Variants in ASB14 observed in about 807,000 individuals in gnomAD.
The protein encoded by ASB14 is ankyrin repeat and SOCS box containing 14, also known as ankyrin repeat and SOCS box protein 14.
A neutral mutation model predicts 55.6 loss-of-function variants in ASB14; 63 were observed. The observed-to-expected ratio is 1.13, with a 90% CI of 0.92 to 1.40. The LOEUF is 1.40. Among genes scored for constraint, ASB14 ranks in the 40% most tolerant of loss-of-function variants. The probability of loss-of-function intolerance (pLI) is 0.00; values close to 1 mark genes in which losing one functional copy is unlikely to be tolerated. For synonymous variants in ASB14, 256 were observed against 259.9 expected, an observed-to-expected ratio of 0.98 and a Z score of 0.15; for missense variants, 724 against 710.4, an observed-to-expected ratio of 1.02 and a Z score of -0.22.
chr3:57,289,957 C>T (rs1458000361), intron 2 of ASB14, among the ~76,000 whole-genome samples: 1 of 152,122 alleles, frequency 6.6e-6, no homozygotes. Context: ...ACCTTCCACT[C>T]TAATTATTTA....
chr3:57,278,151 C>T (rs969121444), intron 8 of ASB14, among the ~76,000 whole-genome samples: 1 of 152,156 alleles, frequency 6.6e-6, no homozygotes, highest in African/African-American at 2.4e-5. Context: ...AACTTCCTCA[C>T]ACTGCTAGGC....
intron 10 of ASB14, chr3:57,271,907 A>G (rs1350549454): frequency 6.6e-6 from 1 of 152,236 alleles, no homozygotes; most frequent in South Asian, 2.1e-4. Flanking sequence ...CTGTTGAACT[A>G]TATGAACTAT....
Position 57,269,405 on chromosome 3 carries a change from CTTTTT to C in ASB14, c.*231_*235del. On this transcript the variant is annotated 3_prime_UTR_variant, in exon 11 of 11. Transcript: ENST00000487349. Reference sequence around the variant, plus strand: ...GTTGTATTGTTTGGGTGTAGCTTTTCTTTTTATCAAGTTGTCAGAAGTATGCATAC... The same window carrying C: ...GTTGTATTGTTTGGGTGTAGCTTTTCATCAAGTTGTCAGAAGTATGCATAC... 1.2e-6 allele frequency: 1 copy of C among 818,582 alleles called. No homozygotes were observed. The allele number at this position is 818,582 out of a possible 1,614,324, so 50.7% of individuals were successfully genotyped here. A position where few individuals can be genotyped will look rare whatever the true frequency, so the allele number is the denominator to read the frequency against.
At chr3:57,282,922 G>C (rs1315342118) in intron 6 of ASB14, among the ~76,000 whole-genome samples, 2 of 152,108 alleles carry the variant, frequency 1.3e-5, no homozygotes, top group Admixed American at 1.3e-4. Context: ...CCACAAAAAG[G>C]TTAAAAAACC....
intron 7 of ASB14, among the ~76,000 whole-genome samples, chr3:57,279,337 C>A (rs1295859132): frequency 7.8e-6 from 1 of 128,820 alleles, no homozygotes; most frequent in Non-Finnish European, 1.6e-5. Context: ...TGCAGTGGCG[C>A]AATCTTGGCT....
chr3:57,278,319 T>C, intron 8 of ASB14, 58 bp downstream of exon 8: 1 of 1,420,054 alleles, frequency 7.0e-7, no homozygotes, highest in Non-Finnish European at 9.8e-7. Flanking sequence ...TTTATTGCCA[T>C]AGTTCCAGGG....
In ASB14 at chr3:57,277,812, C is replaced by T. The variant is rs371535465; in HGVS notation, c.1540G>A (p.Val514Met). The change falls in exon 9 of 11, where the codon GTG becomes ATG. Residue 514 changes from valine to methionine, a missense_variant. By Grantham distance (21) the Val-to-Met change is conservative. Coordinates refer to ENST00000487349, the MANE Select transcript of ASB14 (RefSeq NM_001142733.3). The part of the protein sequence containing the change: ...QVRICSKLKA[V>M]LQKQGIWSEI... ...GACCAGATCCCCTGTTTTTGGAGCA[C>T]AGCTTTCAACTTTGAACAGATCCGA... 7.4e-6 allele frequency: 12 copies of T among 1,613,030 alleles called. No individual in the cohort carries two copies. Among genetic ancestry groups the T allele is most frequent in the African/African-American group, 1.3e-5 (1 of 74,896 alleles).
rs1366823868 is a variant in ASB14, at chr3:57,276,645, T to G, written c.1669A>C (p.Met557Leu). 1.2e-6 allele frequency: 2 copies of G among 1,613,986 alleles called. No homozygotes were observed. The highest frequency in any genetic ancestry group is 1.7e-6 in the Non-Finnish European group (2 of 1,179,868). The part of the protein sequence containing the change: ...GRLHLRCPVF[M>L]SFLPLPNRLK... ...CGATTGGGTAATGGAAGAAATGACA[T>G]GAAGACAGGGCAGCGCAAATGTAAC... The change falls in exon 10 of 11, where the codon ATG becomes CTG. Residue 557 changes from methionine to leucine, a missense_variant. Transcript: ENST00000487349.
intron 7 of ASB14, 92 bp from the exon 8 acceptor site, chr3:57,279,012 T>C: frequency 1.6e-6 from 2 of 1,232,918 alleles, no homozygotes; most frequent in Non-Finnish European, 2.2e-6. Flanking sequence ...CTAGATAGTA[T>C]CAGTATTCAG....
rs547107749 is a variant in ASB14 at position 57,279,914 on chromosome 3, G to A, written c.887+388C>T. On this transcript the variant is annotated intron_variant, in intron 7 of 10. Coordinates refer to ENST00000487349, the MANE Select transcript of ASB14 (RefSeq NM_001142733.3). ...ATGTAGGACTGTTCTGGCAGCGGGG[G>A]TTGGGGGGGAACCGTGTTAATTACT... Among the ~76,000 whole-genome samples the A allele has an allele frequency of 2.0e-4, 31 of 152,126 alleles. No individual in the cohort carries two copies. The South Asian group carries it at 5.8e-3, about 29-fold the overall frequency.
chr3:57,273,730 A>G (rs1217933870), intron 10 of ASB14, among the ~76,000 whole-genome samples: 3 of 152,200 alleles, frequency 2.0e-5, no homozygotes, highest in African/African-American at 7.2e-5. Context: ...GTTTGGTCCT[A>G]CTTACAGAAA....
chr3:57,288,528 A>T (rs2061099857), intron 3 of ASB14, among the ~76,000 whole-genome samples: 2 of 151,994 alleles, frequency 1.3e-5, no homozygotes, highest in Admixed American at 6.6e-5. Flanking sequence ...CTAGGAAGGA[A>T]CCCAGGAGCT....
At chr3:57,285,645 T>TA (rs2061075273) in intron 5 of ASB14, among the ~76,000 whole-genome samples, 1 of 152,198 alleles carries the variant, frequency 6.6e-6, no homozygotes, top group Admixed American at 6.5e-5. Context: ...TCCCTGGAGT[T>TA]AATACTTGTC....
intron 10 of ASB14, chr3:57,270,079 A>T (rs1329295989): frequency 6.4e-6 from 1 of 155,972 alleles, no homozygotes; most frequent in Non-Finnish European, 1.4e-5. Flanking sequence ...TTCATTAGGA[A>T]CATTTTGCTG....
rs1415850177 is a variant in ASB14, at chr3:57,285,349, G to GA, written c.470-1911_470-1910insT. Among the ~76,000 whole-genome samples the GA allele has an allele frequency of 5.3e-5, 8 of 152,114 alleles. No homozygotes were observed. In the South Asian group the frequency reaches 1.5e-3, roughly 28 times the overall value. On this transcript the variant is annotated intron_variant, in intron 5 of 10. Coordinates refer to ENST00000487349, the MANE Select transcript of ASB14 (RefSeq NM_001142733.3). ...CTACAATCTTTTTCCTTCTCCAGAG[G>GA]GATCCTTTAGCTGATTCTTTGCTCT...
Position 57,280,367 on chromosome 3 carries a change from A to C in ASB14, c.822T>G (p.Asp274Glu), listed in dbSNP as rs186750835. Reference protein sequence around the residue: ...AVALLLEYGADANIPKNSGHL... With the variant: ...AVALLLEYGAEANIPKNSGHL... ...GGCCTGAATTCTTAGGGATGTTGGC[A>C]TCAGCTCCATACTCCAGCAAGAGAG... The change falls in exon 7 of 11, where the codon GAT becomes GAG. Residue 274 changes from aspartate to glutamate, a missense_variant. Transcript: ENST00000487349. 1.2e-5 allele frequency: 19 copies of C among 1,551,402 alleles called. No individual in the cohort carries two copies. The Admixed American group carries it at 3.5e-4, about 29-fold the overall frequency.
intron 5 of ASB14, among the ~76,000 whole-genome samples, chr3:57,284,690 T>C (rs2061066656): frequency 6.6e-6 from 1 of 152,222 alleles, no homozygotes; most frequent in Non-Finnish European, 1.5e-5. Flanking sequence ...GTGATTTTTC[T>C]ACGCACAAGA....
intron 2 of ASB14, 123 bp downstream of exon 2, chr3:57,291,789 A>G (rs2061133258): frequency 1.3e-6 from 1 of 767,924 alleles, no homozygotes; most frequent in Non-Finnish European, 1.9e-6. Flanking sequence ...ACAGATATTT[A>G]ATTGACAGCT....
In ASB14 at chr3:57,268,675, T is replaced by G. The variant is rs2060912314; in HGVS notation, c.*966A>C. ...TTTTGATATGATGTTTACATTATAG[T>G]TACGTTGACATGTAATATGACTGTT... On this transcript the variant is annotated 3_prime_UTR_variant, in exon 11 of 11. Transcript: ENST00000487349. The G allele has an allele frequency of 2.2e-6, 1 of 457,158 alleles. No homozygotes were observed. The highest frequency in any genetic ancestry group is 3.5e-6 in the Non-Finnish European group (1 of 282,588). 28.3% of individuals were successfully genotyped at this position (457,158 alleles called of 1,614,324 possible).
Sources: allele counts gnomAD v4.1 joint callset (sites outside exome capture counted in the v4.1 genomes callset), GRCh38; gene constraint gnomAD v4.1.1; transcripts MANE v1.5; gene names NCBI Gene and HGNC (gene_info 2026-07-23, HGNC 2026-07-21).